The following PRKN variants were observed in gnomAD, a reference collection of about 807,000 sequenced individuals.
PRKN encodes the protein E3 ubiquitin-protein ligase parkin.
PRKN carries 56 observed loss-of-function variants against 59.5 expected under a neutral mutation model. The observed-to-expected ratio is 0.94, with a 90% CI of 0.76 to 1.18. The LOEUF is 1.18. Among genes scored for constraint, PRKN ranks in the 50% most tolerant of loss-of-function variants. The pLI, the probability that PRKN is intolerant of heterozygous loss-of-function variation, is 0.00. For missense variants in PRKN, 657 were observed against 596.4 expected, an observed-to-expected ratio of 1.10 and a Z score of -1.06; for synonymous variants, 250 against 222.1, an observed-to-expected ratio of 1.13 and a Z score of -1.12.
chr6:162,363,171 C>G (rs1785242810), intron 2 of PRKN, among the ~76,000 whole-genome samples: 1 of 148,272 alleles, frequency 6.7e-6, no homozygotes, highest in Non-Finnish European at 1.5e-5. Context: ...TCTCCCCTGA[C>G]TTGAGTTATG....
At chr6:162,561,054 G>A (rs949144171) in intron 1 of PRKN, among the ~76,000 whole-genome samples, 1 of 152,106 alleles carries the variant, frequency 6.6e-6, no homozygotes, top group African/African-American at 2.4e-5. Flanking sequence ...TTGCAGCCTA[G>A]GCGATCAAAG....
intron 1 of PRKN, among the ~76,000 whole-genome samples, chr6:162,461,363 G>T (rs890046580): frequency 1.3e-5 from 2 of 150,582 alleles, no homozygotes; most frequent in South Asian, 2.1e-4. Flanking sequence ...TTAGCTGGAC[G>T]TGGTGGCACA....
At chr6:162,297,684 G>T (rs1781744242) in intron 2 of PRKN, among the ~76,000 whole-genome samples, 1 of 152,022 alleles carries the variant, frequency 6.6e-6, no homozygotes, top group Non-Finnish European at 1.5e-5. Flanking sequence ...TTATTATTAA[G>T]TTCACTTTCA....
intron 3 of PRKN, among the ~76,000 whole-genome samples, chr6:162,225,087 T>C (rs1778108768): frequency 6.6e-6 from 1 of 152,156 alleles, no homozygotes; most frequent in South Asian, 2.1e-4. Context: ...GGCAGCCCTG[T>C]CTGGGCTGCA....
At chr6:162,686,198 A>G (rs1210518528) in intron 1 of PRKN, among the ~76,000 whole-genome samples, 1 of 152,194 alleles carries the variant, frequency 6.6e-6, no homozygotes, top group African/African-American at 2.4e-5. Flanking sequence ...TTTAAGTAAA[A>G]CTTCACCATA....
chr6:162,630,075 G>A (rs1783047331), intron 1 of PRKN, among the ~76,000 whole-genome samples: 1 of 152,104 alleles, frequency 6.6e-6, no homozygotes, highest in Admixed American at 6.6e-5. Context: ...ACAAGTAGGT[G>A]CTAAAGGTGT....
At chr6:161,416,544 A>G (rs886376728) in intron 9 of PRKN, among the ~76,000 whole-genome samples, 1 of 152,084 alleles carries the variant, frequency 6.6e-6, no homozygotes, top group Non-Finnish European at 1.5e-5. Flanking sequence ...CGGCATCCAA[A>G]TTCAAACCCA....
At position 161,578,611 on chromosome 6, in the gene PRKN, A is replaced by T. The variant is rs2128137233; in HGVS notation, c.872-9195T>A. Among the ~76,000 whole-genome samples the T allele has an allele frequency of 6.6e-6, 1 of 152,286 alleles. No individual in the cohort carries two copies. The highest frequency in any genetic ancestry group is 2.4e-5 in the African/African-American group (1 of 41,558). On this transcript the variant is annotated intron_variant, in intron 7 of 11. Transcript: ENST00000366898. This position sits in a 1 kb window ranked among gnomAD's most constrained non-coding sequence, Gnocchi z 4.2. ...ATCTGCAATAAGCGCTTAAGCCCAG[A>T]TCCCCAGGCTCTATGAACACCCTCC...
rs1167128871 is a variant in PRKN at position 161,440,245 on chromosome 6, G to A, written c.1084-53368C>T. ...TGGGATTACAGGTGTGAGACACTGCGCCTGGCCTGGCCCTAAGTTTTTACC... is the reference window on the plus strand; with the variant it reads ...TGGGATTACAGGTGTGAGACACTGCACCTGGCCTGGCCCTAAGTTTTTACC... On this transcript the variant is annotated intron_variant, in intron 9 of 11. Coordinates refer to ENST00000366898, the MANE Select transcript of PRKN (RefSeq NM_004562.3). This position sits in a 1 kb window ranked among gnomAD's most constrained non-coding sequence, Gnocchi z 4.1. 2.0e-5 allele frequency among the ~76,000 whole-genome samples: 3 copies of A among 152,116 alleles called. No homozygotes were observed. The highest frequency in any genetic ancestry group is 6.5e-5 in the Admixed American group (1 of 15,270).
At chr6:162,048,722 TA>T (rs58981275) in intron 5 of PRKN, among the ~76,000 whole-genome samples, 96 of 141,486 alleles carry the variant, frequency 6.8e-4, no homozygotes, top group African/African-American at 8.4e-4. Flanking sequence ...GCTGATGAAC[TA>T]AAAAAAAAAA....
At chr6:162,288,669 T>C (rs752034790) in intron 2 of PRKN, among the ~76,000 whole-genome samples, 7 of 152,096 alleles carry the variant, frequency 4.6e-5, no homozygotes, top group Admixed American at 1.3e-4. Flanking sequence ...AACCCCTTAT[T>C]GTAGCCTCAT....
Position 161,672,419 on chromosome 6 carries a change from C to T in PRKN, c.872-103003G>A, listed in dbSNP as rs1355182688. 5.3e-5 allele frequency among the ~76,000 whole-genome samples: 8 copies of T among 152,108 alleles called. 1 individual carries two copies. Among genetic ancestry groups the T allele is most frequent in the Admixed American group, 3.9e-4 (6 of 15,280 alleles). On this transcript the variant is annotated intron_variant, in intron 7 of 11. Transcript: ENST00000366898. ...CTTATTCATTTTAACAAGCTTTTCA[C>T]TGAACTATGATATGGTATTCTAATA... is the stretch of plus-strand genomic sequence containing the variant.
At position 161,385,130 on chromosome 6, in the gene PRKN, A is replaced by G. The variant is rs1786179505; in HGVS notation, c.1167+1664T>C. On this transcript the variant is annotated intron_variant, in intron 10 of 11. Transcript: ENST00000366898. This position sits in a 1 kb window ranked among gnomAD's most constrained non-coding sequence, Gnocchi z 4.9. ...TTTTTAGTAGAGACGGGGTTTCACCATGTTGGCCAGGCTGATCTCAATCTC... is the reference window on the plus strand; with the variant it reads ...TTTTTAGTAGAGACGGGGTTTCACCGTGTTGGCCAGGCTGATCTCAATCTC... 6.6e-6 allele frequency among the ~76,000 whole-genome samples: 1 copy of G among 152,108 alleles called. No homozygotes were observed. The highest frequency in any genetic ancestry group is 2.4e-5 in the African/African-American group (1 of 41,412).
chr6:162,576,721 A>G (rs1780572557), intron 1 of PRKN, among the ~76,000 whole-genome samples: 1 of 148,414 alleles, frequency 6.7e-6, no homozygotes, highest in African/African-American at 2.5e-5. Context: ...CTGAGGCAGG[A>G]TAATTACTTG....
rs1244084710 is a variant in PRKN, at chr6:161,579,943, C to A, written c.872-10527G>T. 6.6e-6 allele frequency among the ~76,000 whole-genome samples: 1 copy of A among 152,180 alleles called. No homozygotes were observed. Among genetic ancestry groups the A allele is most frequent in the Non-Finnish European group, 1.5e-5 (1 of 68,028 alleles). On this transcript the variant is annotated intron_variant, in intron 7 of 11. Transcript: ENST00000366898. This position sits in a 1 kb window ranked among gnomAD's most constrained non-coding sequence, Gnocchi z 4.2. ...GCATCTTTCAAATTCTTATAAAAAA[C>A]AAAACCCATGTAAGCACTCTAAATA...
At chr6:162,630,272 T>C (rs1783055934) in intron 1 of PRKN, among the ~76,000 whole-genome samples, 1 of 152,156 alleles carries the variant, frequency 6.6e-6, no homozygotes. Flanking sequence ...CCCTAAGCTT[T>C]ATACTGTCCT....
intron 1 of PRKN, among the ~76,000 whole-genome samples, chr6:162,570,764 A>C (rs1476048926): frequency 6.6e-6 from 1 of 152,220 alleles, no homozygotes; most frequent in African/African-American, 2.4e-5. Context: ...TAATCAAAAC[A>C]GTTGAACCCA....
chr6:162,042,668 A>G (rs1175783063), intron 5 of PRKN, among the ~76,000 whole-genome samples: 6 of 152,192 alleles, frequency 3.9e-5, no homozygotes, highest in Non-Finnish European at 8.8e-5. Context: ...ATTTAAATGC[A>G]GGCCTTATAA....
rs61133511 is a variant in PRKN, at chr6:161,525,130, GGT to G, written c.1083+23722_1083+23723del. 2.5e-3 allele frequency among the ~76,000 whole-genome samples: 373 copies of G among 149,398 alleles called. 2 individuals carry two copies. The highest frequency in any genetic ancestry group is 0.01 in the Middle Eastern group (3 of 294). ...TGACACATTCATTCATTTTCTAAAAGGTGTGTGTGTGTGTGTGTGTGTATGTG... is the reference window on the plus strand; with the variant it reads ...TGACACATTCATTCATTTTCTAAAAGGTGTGTGTGTGTGTGTGTGTATGTG... On this transcript the variant is annotated intron_variant, in intron 9 of 11. Transcript: ENST00000366898. This position sits in a 1 kb window ranked among gnomAD's most constrained non-coding sequence, Gnocchi z 4.7.
Sources: gnomAD v4.1 joint callset for allele counts (sites outside exome capture counted in the v4.1 genomes callset) on GRCh38, gnomAD v4.1.1 for gene constraint, Gnocchi (gnomAD v3.1) non-coding constraint, MANE v1.5 for transcripts, NCBI Gene and HGNC (gene_info 2026-07-23, HGNC 2026-07-21) for gene names.